Variants in CDH11 observed in about 807,000 individuals in gnomAD.
CDH11 encodes the protein cadherin-11.
CDH11 carries 11 observed loss-of-function variants against 67.8 expected under a neutral mutation model. The ratio of observed to expected loss-of-function variants is 0.16; its 90% CI spans 0.10 to 0.27. CDH11 has a LOEUF of 0.27. Ranked by LOEUF, CDH11 falls within the 10% of genes least tolerant of loss-of-function variation. CDH11 has a pLI of 1.00. For synonymous variants in CDH11, 419 were observed against 400.0 expected (o/e 1.05, Z -0.57); for missense variants, 847 against 1,031.2 (o/e 0.82, Z 2.45).
chr16:64,959,855 A>G (rs917164149), intron 11 of CDH11, among the ~76,000 whole-genome samples: 1 of 152,150 alleles, frequency 6.6e-6, no homozygotes, highest in Non-Finnish European at 1.5e-5. Context: ...GTTCGGGGGG[A>G]AAACAGAAAG....
rs1289811602 is a variant in CDH11 at position 64,950,824 on chromosome 16, C to T, written c.1837G>A (p.Ala613Thr). Reference sequence around the variant, plus strand: ...ATCAGGGCGCCTGTGCTCAGGCCGGCGTTCAGAATGTAGGCCTCTGCGTTG... The same window carrying T: ...ATCAGGGCGCCTGTGCTCAGGCCGGTGTTCAGAATGTAGGCCTCTGCGTTG... ...SCNAEAYILN[A>T]GLSTGALIAI... Residue 613 changes from alanine (A) to threonine (T), a missense_variant, in exon 12 of 13, where the codon GCC becomes ACC. Ala to Thr is a moderately conservative substitution (Grantham distance 58). This residue lies in a region of CDH11 where 612 missense variants were observed against 678.7 expected (regional missense o/e 0.90). Transcript: ENST00000268603. 1.2e-6 allele frequency: 2 copies of T among 1,614,158 alleles called. No individual in the cohort carries two copies. Among genetic ancestry groups the T allele is most frequent in the Non-Finnish European group, 8.5e-7 (1 of 1,180,032 alleles).
intron 2 of CDH11, among the ~76,000 whole-genome samples, chr16:65,008,728 T>A (rs2073114938): frequency 3.3e-5 from 5 of 152,160 alleles, no homozygotes; most frequent in Admixed American, 3.3e-4. Context: ...TCACAACTCT[T>A]GCCATTTGTT....
rs573583103 is a variant in CDH11 at position 64,946,502 on chromosome 16, C to G, written c.*1101G>C. On this transcript the variant is annotated 3_prime_UTR_variant, in exon 13 of 13. Coordinates refer to ENST00000268603, the MANE Select transcript of CDH11 (RefSeq NM_001797.4). Reference sequence around the variant, plus strand: ...ACATATTGCAAAGTCATAGACTGACCTAGTTCTTTCACATCCTTCTTTTTT... The same window carrying G: ...ACATATTGCAAAGTCATAGACTGACGTAGTTCTTTCACATCCTTCTTTTTT... The G allele has an allele frequency of 7.3e-5, 75 of 1,030,604 alleles. No individual in the cohort carries two copies. Among genetic ancestry groups the G allele is most frequent in the South Asian group, 1.8e-4 (4 of 21,644 alleles). 63.8% of individuals were successfully genotyped at this position (1,030,604 alleles called of 1,614,324 possible). A position where few individuals can be genotyped will look rare whatever the true frequency, so the allele number is the denominator to read the frequency against.
intron 2 of CDH11, among the ~76,000 whole-genome samples, chr16:65,023,970 G>A (rs1357247499): frequency 6.6e-6 from 1 of 152,086 alleles, no homozygotes; most frequent in Admixed American, 6.6e-5. Context: ...GAACTCCTGG[G>A]GATGCAGCCC....
chr16:64,976,581 C>T (rs1415566442), intron 8 of CDH11, among the ~76,000 whole-genome samples: 1 of 152,126 alleles, frequency 6.6e-6, no homozygotes, highest in Non-Finnish European at 1.5e-5. Context: ...GAGGCCTTGC[C>T]TGATGGCTCA....
At chr16:65,008,176 A>G (rs1417084008) in intron 2 of CDH11, among the ~76,000 whole-genome samples, 1 of 152,262 alleles carries the variant, frequency 6.6e-6, no homozygotes, top group East Asian at 1.9e-4. Context: ...AAGTGTTGAA[A>G]CAAGATGACA....
intron 1 of CDH11, among the ~76,000 whole-genome samples, chr16:65,054,175 A>G (rs2074105380): frequency 6.6e-6 from 1 of 152,208 alleles, no homozygotes; most frequent in South Asian, 2.1e-4. Flanking sequence ...GACAATGATA[A>G]AAGCAATCCT....
intron 1 of CDH11, among the ~76,000 whole-genome samples, chr16:65,114,514 C>T (rs1440297171): frequency 6.6e-6 from 1 of 152,060 alleles, no homozygotes; most frequent in Non-Finnish European, 1.5e-5. Flanking sequence ...AAAGTACCTT[C>T]CTCTCGGGGG....
At chr16:65,027,432 A>G (rs1198576468) in intron 2 of CDH11, among the ~76,000 whole-genome samples, 1 of 152,194 alleles carries the variant, frequency 6.6e-6, no homozygotes, top group Non-Finnish European at 1.5e-5. Flanking sequence ...ATCTTGTTCC[A>G]AAGAGATTTA....
intron 1 of CDH11, among the ~76,000 whole-genome samples, chr16:65,062,688 C>A (rs1269071629): frequency 6.6e-6 from 1 of 152,130 alleles, no homozygotes; most frequent in African/African-American, 2.4e-5. Flanking sequence ...TCTATAAACT[C>A]CACAGGGATA....
intron 1 of CDH11, among the ~76,000 whole-genome samples, chr16:65,065,623 A>G (rs2074300773): frequency 6.6e-6 from 1 of 152,188 alleles, no homozygotes; most frequent in Non-Finnish European, 1.5e-5. Flanking sequence ...ACACAAAGCA[A>G]CAATCTTAAA....
intron 4 of CDH11, among the ~76,000 whole-genome samples, 200 bp from the exon 5 acceptor site, chr16:64,993,234 C>CTTCCTTCCT (rs1466004600): frequency 6.8e-6 from 1 of 147,684 alleles, no homozygotes; most frequent in African/African-American, 2.5e-5. Flanking sequence ...TCCTTCCTTC[C>CTTCCTTCCT]TGCTCTATAA....
intron 2 of CDH11, among the ~76,000 whole-genome samples, chr16:65,049,600 A>T (rs1043884849): frequency 3.3e-5 from 5 of 152,320 alleles, no homozygotes; most frequent in Middle Eastern, 3.4e-3. Context: ...CACTAGCTAA[A>T]TAAAGCAAGA....
At chr16:65,081,865 G>A (rs1018605355) in intron 1 of CDH11, among the ~76,000 whole-genome samples, 6 of 152,296 alleles carry the variant, frequency 3.9e-5, no homozygotes, top group Non-Finnish European at 7.4e-5. Flanking sequence ...GTGATTTGTA[G>A]TGTGAACACA....
intron 8 of CDH11, among the ~76,000 whole-genome samples, chr16:64,980,406 C>T (rs1440141392): frequency 6.6e-6 from 1 of 152,106 alleles, no homozygotes; most frequent in Non-Finnish European, 1.5e-5. Flanking sequence ...TGTGATGTAG[C>T]CTGGGGGGTG....
chr16:65,059,796 T>C (rs2074207473), intron 1 of CDH11: 1 of 152,192 alleles, frequency 6.6e-6, no homozygotes. Flanking sequence ...TGTCTTTCGT[T>C]GTACCCAAAT....
At chr16:65,063,084 G>A (rs1337997130) in intron 1 of CDH11, among the ~76,000 whole-genome samples, 1 of 152,296 alleles carries the variant, frequency 6.6e-6, no homozygotes, top group South Asian at 2.1e-4. Flanking sequence ...TGCACAAATT[G>A]TGACATTCTT....
chr16:65,038,638 T>C (rs1180566281), intron 2 of CDH11, among the ~76,000 whole-genome samples: 1 of 152,198 alleles, frequency 6.6e-6, no homozygotes, highest in Non-Finnish European at 1.5e-5. Flanking sequence ...TCTCTATCGT[T>C]TCACTCGGAA....
At chr16:65,099,190 T>C (rs1482815085) in intron 1 of CDH11, among the ~76,000 whole-genome samples, 2 of 152,128 alleles carry the variant, frequency 1.3e-5, no homozygotes, top group African/African-American at 2.4e-5. Context: ...ATAAATTTTA[T>C]ATTACAGGGT....
Sources: allele counts gnomAD v4.1 joint callset (sites outside exome capture counted in the v4.1 genomes callset), GRCh38; gene constraint gnomAD v4.1.1; regional missense constraint gnomAD v4.1.1; transcripts MANE v1.5; gene names NCBI Gene and HGNC (gene_info 2026-07-23, HGNC 2026-07-21).